Variants in ADCY8 observed in about 807,000 individuals in gnomAD.
The protein encoded by ADCY8 is adenylate cyclase 8, also known as adenylate cyclase type 8.
Under a neutral mutation model 119.7 loss-of-function variants are expected in ADCY8, and 51 were observed. That is an observed-to-expected ratio of 0.43 (90% confidence interval 0.34 to 0.54). The LOEUF is 0.54. Among genes scored for constraint, ADCY8 ranks in the 20% least tolerant of loss-of-function variants. ADCY8 has a pLI of 0.03. For missense variants in ADCY8, 1,383 were observed against 1,598.8 expected (o/e 0.87, Z 2.30); for synonymous variants, 665 against 651.0 (o/e 1.02, Z -0.33).
chr8:130,964,871 T>C (rs2130691813), intron 2 of ADCY8, among the ~76,000 whole-genome samples: 1 of 152,330 alleles, frequency 6.6e-6, no homozygotes, highest in South Asian at 2.1e-4. Flanking sequence ...CCATTCTTAC[T>C]CGTGTGAGAT....
At chr8:130,913,772 C>T (rs1004346605) in intron 5 of ADCY8, among the ~76,000 whole-genome samples, 2 of 152,188 alleles carry the variant, frequency 1.3e-5, no homozygotes, top group African/African-American at 2.4e-5. Flanking sequence ...TCCTGACTGG[C>T]ACAATCATGA....
intron 12 of ADCY8, among the ~76,000 whole-genome samples, chr8:130,823,074 G>A (rs1816570020): frequency 6.6e-6 from 1 of 152,096 alleles, no homozygotes; most frequent in Non-Finnish European, 1.5e-5. Context: ...GCTCTGCCTG[G>A]CACTTTGGAT....
chr8:130,800,020 T>C (rs993877744), intron 15 of ADCY8, among the ~76,000 whole-genome samples: 27 of 152,226 alleles, frequency 1.8e-4, no homozygotes, highest in African/African-American at 6.5e-4. Flanking sequence ...CAATTAGTTC[T>C]CTGACCAAAT....
intron 11 of ADCY8, among the ~76,000 whole-genome samples, chr8:130,846,183 G>A (rs1041950693): frequency 3.9e-5 from 6 of 152,090 alleles, no homozygotes; most frequent in African/African-American, 1.4e-4. Context: ...CAGCCTCTTA[G>A]AGAACAAGAA....
At chr8:130,821,207 A>C in intron 13 of ADCY8, 135 bp downstream of exon 13, 1 of 634,632 alleles carries the variant, frequency 1.6e-6, no homozygotes, top group Non-Finnish European at 2.7e-6. Context: ...GGTCTTTATT[A>C]GGAATTGATT....
At chr8:130,901,331 G>A (rs1167747717) in intron 7 of ADCY8, among the ~76,000 whole-genome samples, 3 of 143,304 alleles carry the variant, frequency 2.1e-5, no homozygotes, top group South Asian at 2.3e-4. Flanking sequence ...ACATGAGGAT[G>A]TAACTATCTG....
intron 1 of ADCY8, among the ~76,000 whole-genome samples, chr8:130,991,303 G>A (rs1822571250): frequency 6.6e-6 from 1 of 152,148 alleles, no homozygotes; most frequent in Non-Finnish European, 1.5e-5. Context: ...TGCAGTGTGT[G>A]GTAGCTATAA....
intron 1 of ADCY8, among the ~76,000 whole-genome samples, chr8:131,031,146 T>G (rs567818965): frequency 6.6e-6 from 1 of 152,338 alleles, no homozygotes; most frequent in Admixed American, 6.5e-5. Flanking sequence ...GGAATAGATA[T>G]ATAGATCACT....
Position 130,859,215 on chromosome 8 carries a change from A to G in ADCY8, c.2210+8631T>C, listed in dbSNP as rs75497623. Among the ~76,000 whole-genome samples the G allele has an allele frequency of 9.8e-4, 149 of 152,332 alleles. 2 individuals are homozygous for G. The highest frequency in any genetic ancestry group is 3.4e-3 in the African/African-American group (140 of 41,578). On this transcript the variant is annotated intron_variant, in intron 9 of 17. Transcript: ENST00000286355. Reference sequence around the variant, plus strand: ...TATAAACATATCTATAAATATTCCTACATGTAACCATCTCTATCTATATTA... The same window carrying G: ...TATAAACATATCTATAAATATTCCTGCATGTAACCATCTCTATCTATATTA...
chr8:130,907,995 T>G (rs1380185682), intron 6 of ADCY8, among the ~76,000 whole-genome samples: 1 of 152,216 alleles, frequency 6.6e-6, no homozygotes, highest in Admixed American at 6.5e-5. Context: ...CATGTGGTGT[T>G]GGGTTTTCTG....
intron 7 of ADCY8, among the ~76,000 whole-genome samples, chr8:130,891,417 CT>C (rs1346156758): frequency 6.6e-6 from 1 of 152,156 alleles, no homozygotes; most frequent in Admixed American, 6.6e-5. Context: ...ATTTTGTGTT[CT>C]TTTTTTGACA....
At chr8:130,871,915 C>G (rs1224376223) in intron 8 of ADCY8, among the ~76,000 whole-genome samples, 1 of 152,032 alleles carries the variant, frequency 6.6e-6, no homozygotes, top group African/African-American at 2.4e-5. Context: ...ATTTACTGAG[C>G]CCTTGGTCTA....
At chr8:130,883,340 G>T (rs1239302143) in intron 8 of ADCY8, among the ~76,000 whole-genome samples, 1 of 152,160 alleles carries the variant, frequency 6.6e-6, no homozygotes, top group East Asian at 1.9e-4. Context: ...TTAATTATAT[G>T]ATGAATAAGA....
At chr8:130,812,790 G>T (rs903339948) in intron 14 of ADCY8, among the ~76,000 whole-genome samples, 1 of 152,124 alleles carries the variant, frequency 6.6e-6, no homozygotes, top group Non-Finnish European at 1.5e-5. Context: ...ACACACATAT[G>T]TATGTATATG....
intron 12 of ADCY8, among the ~76,000 whole-genome samples, chr8:130,835,818 A>C (rs1816968428): frequency 6.6e-6 from 1 of 152,160 alleles, no homozygotes; most frequent in South Asian, 2.1e-4. Context: ...TTTGTTTGTA[A>C]TATTTTTAAT....
At chr8:131,037,446 C>G (rs1824192050) in intron 1 of ADCY8, among the ~76,000 whole-genome samples, 1 of 152,156 alleles carries the variant, frequency 6.6e-6, no homozygotes. Flanking sequence ...TTTGAAAACA[C>G]TCATAATTTG....
Position 130,903,993 on chromosome 8 carries a change from T to C in ADCY8, c.1690A>G (p.Asn564Asp), listed in dbSNP as rs776003106. ...ATLDCLNGDY[N>D]VEEGHGKERN... ...TCTTTACCATGGCCCTCTTCCACGTTATAGTCACCGTTGAGACAGTCCAGC... is the reference window on the plus strand; with the variant it reads ...TCTTTACCATGGCCCTCTTCCACGTCATAGTCACCGTTGAGACAGTCCAGC... The change falls in exon 7 of 18, where the codon AAC becomes GAC. Residue 564 changes from asparagine (N) to aspartate (D), a missense_variant. Around this residue, in one of 2 missense-constraint regions of ADCY8, gnomAD observed 928 missense variants for 1,163.5 expected, o/e 0.80. Coordinates refer to ENST00000286355, the MANE Select transcript of ADCY8 (RefSeq NM_001115.3). 2 of 1,614,046 alleles carry C rather than the reference T, an allele frequency of 1.2e-6. No homozygotes were observed. Among genetic ancestry groups the C allele is most frequent in the Non-Finnish European group, 1.7e-6 (2 of 1,180,018 alleles).
intron 15 of ADCY8, among the ~76,000 whole-genome samples, chr8:130,786,749 T>C (rs550145106): frequency 6.6e-6 from 1 of 152,260 alleles, no homozygotes; most frequent in Non-Finnish European, 1.5e-5. Flanking sequence ...TTTAATAGAA[T>C]TTATGTTGGA....
At chr8:130,841,628 G>T (rs1817145789) in intron 11 of ADCY8, among the ~76,000 whole-genome samples, 1 of 152,196 alleles carries the variant, frequency 6.6e-6, no homozygotes, top group South Asian at 2.1e-4. Flanking sequence ...GGAGGAAGAA[G>T]AATTATTTTA....
Sources: allele counts gnomAD v4.1 joint callset (sites outside exome capture counted in the v4.1 genomes callset), GRCh38; gene constraint gnomAD v4.1.1; regional missense constraint gnomAD v4.1.1; transcripts MANE v1.5; gene names NCBI Gene and HGNC (gene_info 2026-07-23, HGNC 2026-07-21).